The following ARID4B variants were observed in gnomAD, a reference collection of about 807,000 sequenced individuals.
ARID4B encodes AT-rich interactive domain-containing protein 4B.
A neutral mutation model predicts 147.5 loss-of-function variants in ARID4B; 26 were observed. That is an observed-to-expected ratio of 0.18 (90% confidence interval 0.13 to 0.24). The LOEUF is 0.24. ARID4B is among the 10% of genes least tolerant of loss of function. The pLI is 1.00. For missense variants in ARID4B, 1,179 were observed against 1,511.5 expected (o/e 0.78, Z 3.65); for synonymous variants, 512 against 507.9 (o/e 1.01, Z -0.11).
At chr1:235,222,921 G>A (rs1667567220) in intron 13 of ARID4B, among the ~76,000 whole-genome samples, 1 of 151,888 alleles carries the variant, frequency 6.6e-6, no homozygotes, top group South Asian at 2.1e-4. Context: ...GGCCTAAAGT[G>A]ATCTACCCGC....
intron 2 of ARID4B, among the ~76,000 whole-genome samples, chr1:235,279,923 A>T (rs138128294): frequency 1.3e-5 from 2 of 152,316 alleles, no homozygotes; most frequent in African/African-American, 4.8e-5. Flanking sequence ...GTGTAACTCT[A>T]CCGGGAGAAA....
intron 19 of ARID4B, among the ~76,000 whole-genome samples, chr1:235,192,688 T>C (rs181729315): frequency 6.6e-6 from 1 of 152,320 alleles, no homozygotes; most frequent in East Asian, 1.9e-4. Flanking sequence ...TCCATTCTTT[T>C]ATCTCATAGA....
intron 17 of ARID4B, among the ~76,000 whole-genome samples, chr1:235,198,100 T>C (rs1665625748): frequency 6.6e-6 from 1 of 152,172 alleles, no homozygotes; most frequent in Non-Finnish European, 1.5e-5. Flanking sequence ...CAAAACAAGC[T>C]TTCTAATTTT....
At chr1:235,308,607 C>T (rs891169019) in intron 2 of ARID4B, among the ~76,000 whole-genome samples, 9 of 152,140 alleles carry the variant, frequency 5.9e-5, no homozygotes, top group Non-Finnish European at 1.0e-4. Flanking sequence ...GCCGAGTGCC[C>T]GCGATTGCAG....
intron 11 of ARID4B, 90 bp downstream of exon 11, chr1:235,229,136 CTTATA>C: frequency 1.5e-6 from 2 of 1,346,272 alleles, no homozygotes; most frequent in Non-Finnish European, 2.0e-6. Context: ...ACTAAAAATA[CTTATA>C]TGAGTAATGA....
Position 235,318,086 on chromosome 1 carries a change from T to C in ARID4B, c.6+8828A>G, listed in dbSNP as rs147177530. 2.2e-3 allele frequency among the ~76,000 whole-genome samples: 336 copies of C among 151,034 alleles called. 3 individuals carry two copies. The highest frequency in any genetic ancestry group is 7.7e-3 in the African/African-American group (318 of 41,132). ...ATAACCCACATGTCCTCCAAATAAG[T>C]AGACTGACAAAATGTCGTATCTTCA... On this transcript the variant is annotated intron_variant, in intron 2 of 23. Coordinates refer to ENST00000264183, the MANE Select transcript of ARID4B (RefSeq NM_016374.6).
intron 2 of ARID4B, among the ~76,000 whole-genome samples, chr1:235,265,938 TG>T: frequency 6.6e-6 from 1 of 152,222 alleles, no homozygotes; most frequent in African/African-American, 2.4e-5. Flanking sequence ...GGGAGGCAAT[TG>T]TTTTTTAAAA....
chr1:235,169,385 C>A (rs552070636), intron 23 of ARID4B, among the ~76,000 whole-genome samples: 1 of 150,444 alleles, frequency 6.6e-6, no homozygotes, highest in Non-Finnish European at 1.5e-5. Flanking sequence ...GGACTATAAG[C>A]GCCCGCCACC....
intron 23 of ARID4B, among the ~76,000 whole-genome samples, chr1:235,170,762 A>G (rs1345447338): frequency 6.6e-6 from 1 of 151,746 alleles, no homozygotes; most frequent in Non-Finnish European, 1.5e-5. Flanking sequence ...ATATTACAAA[A>G]ATTAGCTGGG....
intron 2 of ARID4B, among the ~76,000 whole-genome samples, chr1:235,321,747 C>A (rs1371144343): frequency 1.3e-5 from 2 of 152,198 alleles, no homozygotes; most frequent in Non-Finnish European, 2.9e-5. Context: ...GATCCACCCA[C>A]CTCAGCCTCC....
intron 2 of ARID4B, among the ~76,000 whole-genome samples, chr1:235,274,914 A>T (rs1188042716): frequency 6.6e-6 from 1 of 152,114 alleles, no homozygotes; most frequent in Non-Finnish European, 1.5e-5. Context: ...TTGAATTATG[A>T]TTATCATGTG....
intron 19 of ARID4B, among the ~76,000 whole-genome samples, chr1:235,189,509 CA>C (rs768802301): frequency 1.4e-5 from 2 of 145,094 alleles, no homozygotes; most frequent in African/African-American, 2.6e-5. Flanking sequence ...AATAAAAAGA[CA>C]AAAAAATTAA....
intron 17 of ARID4B, among the ~76,000 whole-genome samples, chr1:235,209,708 C>A (rs2102998803): frequency 6.6e-6 from 1 of 151,708 alleles, no homozygotes; most frequent in Non-Finnish European, 1.5e-5. Flanking sequence ...GGATTACAGG[C>A]ACCTGCCACC....
intron 2 of ARID4B, among the ~76,000 whole-genome samples, chr1:235,287,204 A>G (rs543417883): frequency 6.6e-6 from 1 of 152,344 alleles, no homozygotes; most frequent in East Asian, 1.9e-4. Context: ...GGCTGGAGTG[A>G]GCCAAGATCG....
intron 5 of ARID4B, among the ~76,000 whole-genome samples, chr1:235,255,267 A>ATCTATCTATCTATCTATC (rs772853750): frequency 0.02 from 2,712 of 137,174 alleles, 88 homozygotes; most frequent in South Asian, 0.078. Context: ...AGATAGATAT[A>ATCTATCTATCTATCTATC]TATCTCTCTC....
Position 235,243,401 on chromosome 1 carries a change from C to A in ARID4B, c.447-2950G>T, listed in dbSNP as rs554646090. ...GAGCAAAGACAGAGCAAGCAGAGAGCCTGCTTGATTTTTATTCATTTCTGA... is the reference window on the plus strand; with the variant it reads ...GAGCAAAGACAGAGCAAGCAGAGAGACTGCTTGATTTTTATTCATTTCTGA... On this transcript the variant is annotated intron_variant, in intron 7 of 23. Transcript: ENST00000264183. 3.9e-5 allele frequency among the ~76,000 whole-genome samples: 6 copies of A among 152,144 alleles called. No homozygotes were observed. In the East Asian group the frequency reaches 9.6e-4, roughly 24 times the overall value.
At chr1:235,217,777 T>C (rs1667195295) in intron 16 of ARID4B, among the ~76,000 whole-genome samples, 1 of 152,132 alleles carries the variant, frequency 6.6e-6, no homozygotes, top group South Asian at 2.1e-4. Flanking sequence ...AAAATACCTA[T>C]ATATTAATTA....
intron 5 of ARID4B, among the ~76,000 whole-genome samples, chr1:235,255,230 G>T (rs1409826304): frequency 1.0e-3 from 86 of 85,488 alleles, no homozygotes; most frequent in African/African-American, 2.2e-3. Flanking sequence ...TAGATAGATA[G>T]ATAGATAGAT....
intron 2 of ARID4B, among the ~76,000 whole-genome samples, chr1:235,275,832 T>C (rs1671280231): frequency 6.6e-6 from 1 of 152,200 alleles, no homozygotes; most frequent in African/African-American, 2.4e-5. Flanking sequence ...TAAGCTAAAC[T>C]GTCAAAATAT....
Sources: allele counts gnomAD v4.1 joint callset (sites outside exome capture counted in the v4.1 genomes callset), GRCh38; gene constraint gnomAD v4.1.1; transcripts MANE v1.5; gene names NCBI Gene and HGNC (gene_info 2026-07-23, HGNC 2026-07-21).